Variants in SPDYE10 observed in about 807,000 individuals in gnomAD.
The protein encoded by SPDYE10 is speedy/RINGO cell cycle regulator family member E10.
chr7:73,143,022 GGAAGGAAGGAAA>G, the SPDYE10 span, among the ~76,000 whole-genome samples: 8 of 147,630 alleles, frequency 5.4e-5, no homozygotes, highest in Admixed American at 4.1e-4. Context: ...AAGGAAGGAA[GGAAGGAAGGAAA>G]GAAGGAAGGA....
the SPDYE10 span, among the ~76,000 whole-genome samples, chr7:73,142,412 AC>A: frequency 2.0e-5 from 3 of 149,554 alleles, no homozygotes; most frequent in African/African-American, 7.6e-5. Flanking sequence ...ACAGGCTTTC[AC>A]TGTATTGGCC....
the SPDYE10 span, among the ~76,000 whole-genome samples, chr7:73,142,982 G>A: frequency 2.6e-5 from 1 of 39,180 alleles, no homozygotes. Context: ...GAGGGAGGGA[G>A]GAAGGAAGGA....
At chr7:73,135,090 C>T in the SPDYE10 span, among the ~76,000 whole-genome samples, 3 of 152,288 alleles carry the variant, frequency 2.0e-5, no homozygotes, top group Non-Finnish European at 2.9e-5. Context: ...TGATCTGACT[C>T]ATAGGTGTTC....
chr7:73,126,909 GTTTTTTTTTTT>G, the SPDYE10 span, among the ~76,000 whole-genome samples: 2 of 68,804 alleles, frequency 2.9e-5, no homozygotes, highest in East Asian at 5.9e-4. Flanking sequence ...GTTGTTGGTG[GTTTTTTTTTTT>G]TTTTTTTTTT....
At chr7:73,150,946 ATATT>A in the SPDYE10 span, among the ~76,000 whole-genome samples, 7 of 11,316 alleles carry the variant, frequency 6.2e-4, no homozygotes, top group Non-Finnish European at 8.4e-4. Context: ...ATATATATAT[ATATT>A]TTTTTTTTTT....
chr7:73,116,966 T>A, the SPDYE10 span, among the ~76,000 whole-genome samples: 3 of 151,836 alleles, frequency 2.0e-5, no homozygotes, highest in Non-Finnish European at 1.5e-5. Context: ...TGCAATCTCG[T>A]CTCACTATAA....
the SPDYE10 span, among the ~76,000 whole-genome samples, chr7:73,113,894 C>G: frequency 1.1e-4 from 16 of 152,118 alleles, no homozygotes; most frequent in Middle Eastern, 6.8e-3. Flanking sequence ...GGCATGGTTG[C>G]GGGCACCTGT....
At chr7:73,123,786 TCC>T in the SPDYE10 span, among the ~76,000 whole-genome samples, 80 of 134,148 alleles carry the variant, frequency 6.0e-4, no homozygotes, top group African/African-American at 1.8e-3. Flanking sequence ...TCTCTCTCTC[TCC>T]CTCTCTCTCT....
the SPDYE10 span, among the ~76,000 whole-genome samples, chr7:73,143,571 A>G: frequency 1.3e-5 from 2 of 150,478 alleles, no homozygotes; most frequent in Non-Finnish European, 3.0e-5. Context: ...ACTGGGGATC[A>G]CATTTCAACA....
the SPDYE10 span, among the ~76,000 whole-genome samples, chr7:73,137,630 G>GAAAGA: frequency 2.7e-3 from 371 of 136,502 alleles, no homozygotes; most frequent in Non-Finnish European, 4.4e-3. Context: ...AAGAAAGAAA[G>GAAAGA]AAAGAAAGAA....
chr7:73,138,526 G>A, the SPDYE10 span, among the ~76,000 whole-genome samples: 45 of 147,280 alleles, frequency 3.1e-4, no homozygotes, highest in South Asian at 8.5e-3. Context: ...TTACAGGCGC[G>A]CACCACCACG....
At chr7:73,113,859 C>T in the SPDYE10 span, among the ~76,000 whole-genome samples, 1 of 152,056 alleles carries the variant, frequency 6.6e-6, no homozygotes, top group African/African-American at 2.4e-5. Flanking sequence ...CACCCCATCT[C>T]TGCTAAAAAT....
the SPDYE10 span, among the ~76,000 whole-genome samples, chr7:73,141,070 CCACACACACACACACACA>C: frequency 7.4e-6 from 1 of 136,028 alleles, no homozygotes; most frequent in Non-Finnish European, 1.6e-5. Flanking sequence ...TCCATTTCTA[CCACACACACACACACACA>C]CACACACACA....
chr7:73,134,566 A>AAAGAAAGAAAGAAACC, the SPDYE10 span, among the ~76,000 whole-genome samples: 2 of 152,156 alleles, frequency 1.3e-5, no homozygotes, highest in South Asian at 2.1e-4. Context: ...AGAAAGAAAG[A>AAAGAAAGAAAGAAACC]AACCGTGCAG....
At chr7:73,142,481 C>T in the SPDYE10 span, among the ~76,000 whole-genome samples, 369 of 151,522 alleles carry the variant, frequency 2.4e-3, no homozygotes, top group Middle Eastern at 3.4e-3. Context: ...TCCCAAAGTG[C>T]GGAGATTACA....
the SPDYE10 span, among the ~76,000 whole-genome samples, chr7:73,115,175 T>G: frequency 1.3e-5 from 2 of 152,036 alleles, no homozygotes; most frequent in Non-Finnish European, 1.5e-5. Flanking sequence ...GGATTACAGG[T>G]GTGAGCCACC....
the SPDYE10 span, among the ~76,000 whole-genome samples, chr7:73,145,221 CT>C: frequency 8.5e-6 from 1 of 118,040 alleles, no homozygotes; most frequent in Non-Finnish European, 1.7e-5. Flanking sequence ...TTTCTTTGGC[CT>C]TTCATTTCTT....
At chr7:73,122,965 G>T in the SPDYE10 span, among the ~76,000 whole-genome samples, 8 of 152,344 alleles carry the variant, frequency 5.3e-5, no homozygotes, top group Admixed American at 4.6e-4. Flanking sequence ...TTGGGGAAAG[G>T]GGGGATCCAG....
chr7:73,137,645 G>A, the SPDYE10 span, among the ~76,000 whole-genome samples: 1 of 114,690 alleles, frequency 8.7e-6, no homozygotes, highest in African/African-American at 3.4e-5. Flanking sequence ...AAAGAAAGGA[G>A]AAAGAAAGAA....
Sources: allele counts gnomAD v4.1 joint callset (sites outside exome capture counted in the v4.1 genomes callset), GRCh38; gene constraint gnomAD v4.1.1; transcripts MANE v1.5; gene names NCBI Gene and HGNC (gene_info 2026-07-23, HGNC 2026-07-21).